Variants in CADM2 observed in about 807,000 individuals in gnomAD.
CADM2 encodes the protein immunoglobulin superfamily member 4D.
CADM2 carries 12 observed loss-of-function variants against 49.8 expected under a neutral mutation model. The observed-to-expected ratio is 0.24, with a 90% CI of 0.15 to 0.39. The LOEUF is 0.39. Among genes scored for constraint, CADM2 ranks in the 10% least tolerant of loss-of-function variants. The pLI, the probability that CADM2 is intolerant of heterozygous loss-of-function variation, is 1.00. For synonymous variants in CADM2, 214 were observed against 175.4 expected (o/e 1.22, Z -1.74); for missense variants, 378 against 492.3 (o/e 0.77, Z 2.20).
At chr3:85,776,275 T>C (rs954244347) in intron 2 of CADM2, among the ~76,000 whole-genome samples, 3 of 151,336 alleles carry the variant, frequency 2.0e-5, no homozygotes, top group Non-Finnish European at 3.0e-5. Flanking sequence ...AGCCAAATAG[T>C]TTAAGAATTG....
intron 8 of CADM2, among the ~76,000 whole-genome samples, chr3:86,063,621 T>C (rs1738953145): frequency 6.6e-6 from 1 of 152,046 alleles, no homozygotes; most frequent in African/African-American, 2.4e-5. Context: ...CAAGTTTAGG[T>C]GTCTAGACGT....
At chr3:85,554,756 C>G (rs548929831) in intron 1 of CADM2, among the ~76,000 whole-genome samples, 1 of 152,026 alleles carries the variant, frequency 6.6e-6, no homozygotes, top group Non-Finnish European at 1.5e-5. Flanking sequence ...ATTGCAGTAG[C>G]GTGATCAGCT....
intron 1 of CADM2, among the ~76,000 whole-genome samples, chr3:85,378,488 T>TA (rs897983241): frequency 3.9e-5 from 6 of 152,034 alleles, no homozygotes; most frequent in Non-Finnish European, 8.8e-5. Context: ...TTAGTTTCGT[T>TA]GGTGGGTGAG....
At chr3:85,426,429 G>A (rs2036409075) in intron 1 of CADM2, among the ~76,000 whole-genome samples, 1 of 151,936 alleles carries the variant, frequency 6.6e-6, no homozygotes, top group Admixed American at 6.6e-5. Context: ...ACTGAGCCCA[G>A]GCTTTATACT....
intron 8 of CADM2, among the ~76,000 whole-genome samples, chr3:86,063,084 G>A (rs9310001): frequency 0.24 from 36,410 of 151,828 alleles, 4,712 homozygotes; most frequent in African/African-American, 0.33. Context: ...TCTGATCACC[G>A]AATATTTTTT....
rs562400229 is a variant in CADM2 at position 85,494,990 on chromosome 3, C to T, written c.62-231532C>T. The stretch of plus-strand genomic sequence containing the variant: ...TTTTTGATTTTGCTATAATGTGTGT[C>T]AATTACCAGTCGATAGTGCATTTTT... On this transcript the variant is annotated intron_variant, in intron 1 of 9. Transcript: ENST00000383699. Among the ~76,000 whole-genome samples, 21 of 152,248 alleles carry T rather than the reference C, an allele frequency of 1.4e-4. 2 individuals are homozygous for T. In the South Asian group the frequency reaches 3.7e-3, roughly 27 times the overall value.
chr3:86,057,858 T>C (rs995135234), intron 8 of CADM2, among the ~76,000 whole-genome samples: 8 of 152,148 alleles, frequency 5.3e-5, no homozygotes, highest in Non-Finnish European at 1.0e-4. Context: ...ACAGACTATG[T>C]GGAAAAATAA....
intron 1 of CADM2, among the ~76,000 whole-genome samples, chr3:85,086,886 T>C (rs888673152): frequency 1.3e-5 from 2 of 152,176 alleles, no homozygotes; most frequent in African/African-American, 2.4e-5. Flanking sequence ...TTATATATGG[T>C]GTAGCCATCT....
intron 4 of CADM2, among the ~76,000 whole-genome samples, chr3:85,884,009 A>G (rs1188026084): frequency 6.6e-6 from 1 of 152,198 alleles, no homozygotes; most frequent in African/African-American, 2.4e-5. Flanking sequence ...ATGTCGCTTC[A>G]GCTTGCAGCT....
intron 1 of CADM2, among the ~76,000 whole-genome samples, chr3:85,040,968 C>A (rs780240445): frequency 1.3e-5 from 2 of 152,084 alleles, no homozygotes; most frequent in African/African-American, 2.4e-5. Context: ...ATATTTTAAT[C>A]TATTTTTGCC....
chr3:85,072,335 G>C (rs1427883007), intron 1 of CADM2, among the ~76,000 whole-genome samples: 1 of 151,944 alleles, frequency 6.6e-6, no homozygotes, highest in Admixed American at 6.6e-5. Flanking sequence ...AATATTCTCT[G>C]ATGAGAAATT....
intron 3 of CADM2, among the ~76,000 whole-genome samples, chr3:85,863,137 G>C (rs1167174416): frequency 6.6e-6 from 1 of 152,154 alleles, no homozygotes; most frequent in South Asian, 2.1e-4. Context: ...GGCCTTGAAT[G>C]ACTAAGATAA....
intron 1 of CADM2, among the ~76,000 whole-genome samples, chr3:85,274,116 A>G (rs2043305545): frequency 6.6e-6 from 1 of 151,542 alleles, no homozygotes; most frequent in African/African-American, 2.4e-5. Context: ...TGTGAAGGCC[A>G]CAGGTGAGTT....
chr3:85,069,380 A>G (rs895416609), intron 1 of CADM2, among the ~76,000 whole-genome samples: 3 of 152,086 alleles, frequency 2.0e-5, no homozygotes, highest in African/African-American at 7.2e-5. Flanking sequence ...CAGAAGATTA[A>G]TATTTTTTGT....
At chr3:85,452,466 C>T (rs1392735375) in intron 1 of CADM2, among the ~76,000 whole-genome samples, 2 of 152,130 alleles carry the variant, frequency 1.3e-5, no homozygotes, top group African/African-American at 2.4e-5. Flanking sequence ...ATAGTACTGG[C>T]TCTGTGTTTT....
At chr3:86,033,438 G>A (rs1734777395) in intron 8 of CADM2, among the ~76,000 whole-genome samples, 1 of 151,704 alleles carries the variant, frequency 6.6e-6, no homozygotes, top group Non-Finnish European at 1.5e-5. Flanking sequence ...ATCAGTGGAT[G>A]ATCCAGGAAG....
At chr3:85,000,684 T>C (rs1394020409) in intron 1 of CADM2, among the ~76,000 whole-genome samples, 1 of 152,068 alleles carries the variant, frequency 6.6e-6, no homozygotes, top group African/African-American at 2.4e-5. Flanking sequence ...TCACTCTTGG[T>C]TGTTGTTTTT....
intron 6 of CADM2, among the ~76,000 whole-genome samples, chr3:85,928,449 G>C (rs183262723): frequency 1.3e-5 from 2 of 152,096 alleles, no homozygotes; most frequent in South Asian, 4.2e-4. Context: ...GAGCCACCAC[G>C]CCCAGTCAAA....
At chr3:85,785,860 A>G (rs182738081) in intron 2 of CADM2, among the ~76,000 whole-genome samples, 24 of 152,230 alleles carry the variant, frequency 1.6e-4, no homozygotes, top group Admixed American at 7.2e-4. Flanking sequence ...ATTATGCAAT[A>G]AACAATCTCA....
Sources: allele counts gnomAD v4.1 joint callset (sites outside exome capture counted in the v4.1 genomes callset), GRCh38; gene constraint gnomAD v4.1.1; transcripts MANE v1.5; gene names NCBI Gene and HGNC (gene_info 2026-07-23, HGNC 2026-07-21).